The following FANCC variants were observed in gnomAD, a reference collection of about 807,000 sequenced individuals.
The protein encoded by FANCC is Fanconi anemia group C protein.
A neutral mutation model predicts 71.3 loss-of-function variants in FANCC; 55 were observed. The ratio of observed to expected loss-of-function variants is 0.77; its 90% CI spans 0.62 to 0.97. The LOEUF is 0.97. Among genes scored for constraint, FANCC ranks in the 50% least tolerant of loss-of-function variants. The probability of loss-of-function intolerance (pLI) is 0.00; values close to 1 mark genes in which losing one functional copy is unlikely to be tolerated. For missense variants in FANCC, 678 were observed against 670.9 expected, an observed-to-expected ratio of 1.01 and a Z score of -0.12; for synonymous variants, 275 against 244.9, an observed-to-expected ratio of 1.12 and a Z score of -1.15.
At chr9:95,164,319 A>G (rs1474902456) in intron 6 of FANCC, among the ~76,000 whole-genome samples, 1 of 152,132 alleles carries the variant, frequency 6.6e-6, no homozygotes, top group Non-Finnish European at 1.5e-5. Flanking sequence ...AGGACTTCTG[A>G]TACTATATTA....
intron 7 of FANCC, 84 bp from the exon 8 acceptor site, chr9:95,135,586 T>A: frequency 7.0e-6 from 8 of 1,143,668 alleles, no homozygotes; most frequent in Non-Finnish European, 1.0e-5. Flanking sequence ...ATGCAATCAC[T>A]AATCCAATTT....
chr9:95,297,923 T>C (rs1040522574), intron 1 of FANCC, among the ~76,000 whole-genome samples: 2 of 152,132 alleles, frequency 1.3e-5, no homozygotes, highest in Non-Finnish European at 2.9e-5. Context: ...AAGTAGTAGA[T>C]GGATTTAAAA....
chr9:95,249,355 C>A lies in FANCC; in HGVS notation c.-64G>T. On this transcript the variant is annotated 5_prime_UTR_variant, in exon 2 of 15. Transcript: ENST00000289081. Reference sequence around the variant, plus strand: ...CCTGTCCAGCACTGAAGGAAATGGTCGGCACACATTAAATCTGTAAGAAAG... The same window carrying A: ...CCTGTCCAGCACTGAAGGAAATGGTAGGCACACATTAAATCTGTAAGAAAG... 2 of 1,496,116 alleles carry A rather than the reference C, an allele frequency of 1.3e-6. No homozygotes were observed. The highest frequency in any genetic ancestry group is 1.1e-5 in the South Asian group (1 of 88,090). 92.7% of individuals were successfully genotyped at this position (1,496,116 alleles called of 1,614,324 possible).
intron 12 of FANCC, chr9:95,114,343 T>C (rs771033211): frequency 2.3e-6 from 1 of 438,564 alleles, no homozygotes; most frequent in Non-Finnish European, 4.3e-6. Context: ...CTTTTTATTG[T>C]TATGCCTGTA....
intron 6 of FANCC, among the ~76,000 whole-genome samples, chr9:95,152,102 T>C (rs184487650): frequency 1.1e-4 from 16 of 152,350 alleles, no homozygotes; most frequent in Admixed American, 3.9e-4. Flanking sequence ...TCCTGATAAC[T>C]TGTGAGACAG....
chr9:95,243,132 TA>T (rs1322238993), intron 3 of FANCC, among the ~76,000 whole-genome samples: 1 of 152,268 alleles, frequency 6.6e-6, no homozygotes, highest in African/African-American at 2.4e-5. Context: ...AGCAAATTTT[TA>T]AGACAATATT....
At chr9:95,295,197 C>G (rs1055430785) in intron 1 of FANCC, among the ~76,000 whole-genome samples, 20 of 151,982 alleles carry the variant, frequency 1.3e-4, no homozygotes, top group African/African-American at 4.8e-4. Flanking sequence ...AACTAAAAAT[C>G]CATCAAACTA....
chr9:95,292,267 T>C (rs1447776044), intron 1 of FANCC: 3 of 221,830 alleles, frequency 1.4e-5, no homozygotes, highest in Non-Finnish European at 2.3e-5. Flanking sequence ...AAAACGGAGG[T>C]AGACCCTATC....
At chr9:95,169,289 T>G (rs1825510315) in intron 6 of FANCC, among the ~76,000 whole-genome samples, 1 of 152,194 alleles carries the variant, frequency 6.6e-6, no homozygotes, top group Admixed American at 6.5e-5. Context: ...CCATCATATA[T>G]GATAAGTGCT....
chr9:95,150,776 T>C (rs1401483947), intron 6 of FANCC, among the ~76,000 whole-genome samples: 1 of 152,178 alleles, frequency 6.6e-6, no homozygotes, highest in Non-Finnish European at 1.5e-5. Context: ...CCTTCCACTC[T>C]TACCTTTGTC....
At chr9:95,102,572 G>GT (rs935702902) in intron 14 of FANCC, among the ~76,000 whole-genome samples, 3 of 152,230 alleles carry the variant, frequency 2.0e-5, no homozygotes, top group African/African-American at 7.2e-5. Flanking sequence ...CACTTAGTGT[G>GT]TGTCAGTTTA....
At chr9:95,201,548 C>T (rs961956438) in intron 4 of FANCC, among the ~76,000 whole-genome samples, 2 of 152,056 alleles carry the variant, frequency 1.3e-5, no homozygotes, top group African/African-American at 2.4e-5. Flanking sequence ...TCTTTCCCTC[C>T]GTATTTTCTT....
chr9:95,154,722 T>G (rs573335498), intron 6 of FANCC, among the ~76,000 whole-genome samples: 1 of 152,168 alleles, frequency 6.6e-6, no homozygotes, highest in South Asian at 2.1e-4. Flanking sequence ...GCGGGGAGAA[T>G]AAAGAAATGG....
chr9:95,143,197 T>C (rs146801286), intron 7 of FANCC, among the ~76,000 whole-genome samples: 52 of 152,314 alleles, frequency 3.4e-4, no homozygotes, highest in African/African-American at 1.3e-3. Flanking sequence ...AAGAGATGCA[T>C]GGGGCCAGGC....
intron 1 of FANCC, among the ~76,000 whole-genome samples, chr9:95,268,936 T>C (rs143631734): frequency 6.6e-6 from 1 of 152,306 alleles, no homozygotes; most frequent in Non-Finnish European, 1.5e-5. Flanking sequence ...GATGCTATGC[T>C]ATAGCACAAG....
At chr9:95,203,595 T>C (rs970280388) in intron 4 of FANCC, among the ~76,000 whole-genome samples, 1 of 152,130 alleles carries the variant, frequency 6.6e-6, no homozygotes, top group Non-Finnish European at 1.5e-5. Context: ...CACTTTTTAT[T>C]TTGGTTTTAC....
chr9:95,224,954 T>C (rs533261394), intron 4 of FANCC, among the ~76,000 whole-genome samples: 1 of 152,302 alleles, frequency 6.6e-6, no homozygotes, highest in East Asian at 1.9e-4. Flanking sequence ...GAAATCATGA[T>C]TTATGGGTTT....
intron 6 of FANCC, among the ~76,000 whole-genome samples, chr9:95,154,739 A>G (rs1830363373): frequency 6.6e-6 from 1 of 152,218 alleles, no homozygotes; most frequent in Admixed American, 6.5e-5. Context: ...ATGGAATAGG[A>G]GAAGGATGCT....
chr9:95,307,515 A>G (rs575843537), intron 1 of FANCC, among the ~76,000 whole-genome samples: 80 of 152,368 alleles, frequency 5.3e-4, no homozygotes, highest in African/African-American at 1.8e-3. Flanking sequence ...AATTTCTCCA[A>G]TAAGTATGAC....
Sources: gnomAD v4.1 joint callset for allele counts (sites outside exome capture counted in the v4.1 genomes callset) on GRCh38, gnomAD v4.1.1 for gene constraint, MANE v1.5 for transcripts, NCBI Gene and HGNC (gene_info 2026-07-23, HGNC 2026-07-21) for gene names.